The following HEXB variants were observed in gnomAD, a reference collection of about 807,000 sequenced individuals.
The protein encoded by HEXB is hexosaminidase subunit beta, also known as beta-hexosaminidase subunit beta.
HEXB carries 51 observed loss-of-function variants against 71.2 expected under a neutral mutation model. The observed-to-expected ratio is 0.72, with a 90% CI of 0.57 to 0.90. The LOEUF is 0.90. HEXB is among the 40% of genes least tolerant of loss of function. The pLI, the probability that HEXB is intolerant of heterozygous loss-of-function variation, is 0.00. For missense variants in HEXB, 617 were observed against 677.0 expected (o/e 0.91, Z 0.98); for synonymous variants, 266 against 249.3 (o/e 1.07, Z -0.63).
At chr5:74,711,704 C>T (rs1388940554) in intron 6 of HEXB, among the ~76,000 whole-genome samples, 2 of 151,838 alleles carry the variant, frequency 1.3e-5, no homozygotes, top group Admixed American at 6.6e-5. Flanking sequence ...CACTGGCCGT[C>T]AGAGAAATGC....
chr5:74,676,630 G>A (rs934011555), intron 1 of HEXB, among the ~76,000 whole-genome samples: 3 of 152,064 alleles, frequency 2.0e-5, no homozygotes, highest in African/African-American at 7.2e-5. Context: ...GCTGGGCGTG[G>A]TGGCACATGC....
intron 1 of HEXB, among the ~76,000 whole-genome samples, chr5:74,678,275 G>T (rs916101792): frequency 1.3e-5 from 2 of 151,614 alleles, no homozygotes; most frequent in African/African-American, 2.4e-5. Context: ...TCCAGCCTGG[G>T]CAACAAGAGT....
rs146473797 is a variant in HEXB, at chr5:74,663,397, G to C, written c.-377+22839G>C. Among the ~76,000 whole-genome samples the C allele has an allele frequency of 9.0e-3, 1,374 of 152,168 alleles. 26 individuals are homozygous for C. The highest frequency in any genetic ancestry group is 0.03 in the African/African-American group (1,246 of 41,516). ...GTAGAGACAGGGTTTTGCCATGTTG[G>C]TCAGGCTGGTCTCTATGTCCTAACC... On this transcript the variant is annotated intron_variant, in intron 1 of 13. Coordinates refer to the HEXB transcript ENST00000511181.
intron 1 of HEXB, among the ~76,000 whole-genome samples, chr5:74,657,831 G>A (rs1193726869): frequency 6.6e-6 from 1 of 152,166 alleles, no homozygotes; most frequent in Non-Finnish European, 1.5e-5. Context: ...GGCGTCTTCT[G>A]ATCTCAGCCT....
At chr5:74,704,772 ATTTC>A (rs1422807787) in intron 5 of HEXB, among the ~76,000 whole-genome samples, 1 of 152,100 alleles carries the variant, frequency 6.6e-6, no homozygotes, top group African/African-American at 2.4e-5. Flanking sequence ...AAGAATTTCT[ATTTC>A]TTCTCATTCT....
At position 74,652,359 on chromosome 5, in the gene HEXB, G is replaced by A. The variant is rs1008815379; in HGVS notation, c.-377+11801G>A. Among the ~76,000 whole-genome samples the A allele has an allele frequency of 1.3e-5, 2 of 151,982 alleles. No individual in the cohort carries two copies. Among genetic ancestry groups the A allele is most frequent in the Non-Finnish European group, 2.9e-5 (2 of 67,980 alleles). Reference sequence around the variant, plus strand: ...TCAGAGCTGTGCTCTCCTAGTGTGTGGGCCTCCTGGCCCACGTGTCCAGCA... The same window carrying A: ...TCAGAGCTGTGCTCTCCTAGTGTGTAGGCCTCCTGGCCCACGTGTCCAGCA... On this transcript the variant is annotated intron_variant, in intron 1 of 13. Transcript: ENST00000511181. The surrounding 1 kb of genome is among the most constrained non-coding windows in gnomAD (Gnocchi z 5.4).
At chr5:74,665,632 T>C (rs1349206436) in intron 1 of HEXB, among the ~76,000 whole-genome samples, 2 of 152,238 alleles carry the variant, frequency 1.3e-5, no homozygotes, top group Non-Finnish European at 2.9e-5. Context: ...AATAGCAAGT[T>C]TGATGAAATC....
intron 1 of HEXB, among the ~76,000 whole-genome samples, chr5:74,670,456 A>G (rs1305494515): frequency 1.4e-5 from 2 of 146,674 alleles, no homozygotes; most frequent in African/African-American, 4.9e-5. Context: ...TTCTTCTCAG[A>G]GGTGAAACAA....
chr5:74,696,529 T>TGGTGG (rs1297499551), intron 3 of HEXB, among the ~76,000 whole-genome samples, 164 bp from the exon 4 acceptor site: 1 of 152,188 alleles, frequency 6.6e-6, no homozygotes, highest in Non-Finnish European at 1.5e-5. Flanking sequence ...TTAGAAATTA[T>TGGTGG]GGTAGAGGGT....
chr5:74,709,870 T>G (rs1451088199), intron 6 of HEXB, among the ~76,000 whole-genome samples: 43 of 152,134 alleles, frequency 2.8e-4, no homozygotes, highest in Non-Finnish European at 2.2e-4. Context: ...AAGGAGGAAC[T>G]GGTACCATTC....
rs1453045657 is a variant in HEXB at position 74,685,329 on chromosome 5, G to T, written c.69G>T (p.Leu23=). ...TGGCGCTGCTGTTGGCGACACTGCT[G>T]GCGGCGATGTTGGCGCTGCTGACTC... The part of the protein sequence containing the change: ...MLLALLLATL[L]AAMLALLTQV... The change falls in exon 1 of 14, where the codon CTG becomes CTT. Residue 23 remains leucine (L), a synonymous_variant. Coordinates refer to ENST00000261416, the MANE Select transcript of HEXB (RefSeq NM_000521.4). 3.8e-6 allele frequency: 6 copies of T among 1,576,774 alleles called. No individual in the cohort carries two copies. Among genetic ancestry groups the T allele is most frequent in the Admixed American group, 1.8e-5 (1 of 55,042 alleles).
intron 2 of HEXB, among the ~76,000 whole-genome samples, chr5:74,690,937 G>T (rs1222744362): frequency 6.6e-6 from 1 of 152,160 alleles, no homozygotes; most frequent in African/African-American, 2.4e-5. Context: ...ATGTGAAGTA[G>T]GTTTTGCAAC....
chr5:74,676,626 C>T (rs966191779), intron 1 of HEXB, among the ~76,000 whole-genome samples: 12 of 151,960 alleles, frequency 7.9e-5, no homozygotes, highest in Non-Finnish European at 1.5e-4. Flanking sequence ...ATTAGCTGGG[C>T]GTGGTGGCAC....
At chr5:74,666,184 G>C (rs1318686273) in intron 1 of HEXB, among the ~76,000 whole-genome samples, 1 of 152,214 alleles carries the variant, frequency 6.6e-6, no homozygotes, top group Non-Finnish European at 1.5e-5. Flanking sequence ...AAGCATTTGA[G>C]GGACAAGTAA....
intron 1 of HEXB, among the ~76,000 whole-genome samples, chr5:74,673,913 C>T (rs1478345683): frequency 6.6e-6 from 1 of 152,126 alleles, no homozygotes. Flanking sequence ...TTAATTCCTC[C>T]TAAAGCTAGC....
intron 1 of HEXB, among the ~76,000 whole-genome samples, chr5:74,670,194 T>G (rs1377529317): frequency 1.3e-5 from 2 of 152,116 alleles, no homozygotes; most frequent in African/African-American, 2.4e-5. Flanking sequence ...TGGTTTTTTT[T>G]GTACACTCTC....
At chr5:74,713,458 T>A (rs924127457) in intron 6 of HEXB, 48 bp from the exon 7 acceptor site, 2 of 1,589,306 alleles carry the variant, frequency 1.3e-6, no homozygotes, top group Non-Finnish European at 1.7e-6. Context: ...ATTTCCAGGA[T>A]CAAATCTACG....
At chr5:74,640,428 A>G (rs1747815826) in exon 1 of HEXB, 1 of 152,318 alleles carries the variant, frequency 6.6e-6, no homozygotes. Context: ...AAGGAGGGCC[A>G]GCCGGGGAGA....
chr5:74,702,079 T>C (rs1749275636), intron 5 of HEXB, among the ~76,000 whole-genome samples: 1 of 127,548 alleles, frequency 7.8e-6, no homozygotes, highest in Non-Finnish European at 1.6e-5. Flanking sequence ...TTTTTTTTTT[T>C]TTTTTTTTTT....
Sources: gnomAD v4.1 joint callset for allele counts (sites outside exome capture counted in the v4.1 genomes callset) on GRCh38, gnomAD v4.1.1 for gene constraint, Gnocchi (gnomAD v3.1) non-coding constraint, MANE v1.5 for transcripts, NCBI Gene and HGNC (gene_info 2026-07-23, HGNC 2026-07-21) for gene names.